MAN1C1: variants seen among roughly 807,000 people sequenced by gnomAD.
The protein encoded by MAN1C1 is mannosyl-oligosaccharide 1,2-alpha-mannosidase IC.
In MAN1C1, 49 loss-of-function variants were observed where a neutral mutation model predicts 71.5. That is an observed-to-expected ratio of 0.69 (90% CI 0.54 to 0.87). The LOEUF (loss-of-function observed/expected upper bound fraction) is 0.87, where lower values mean the gene tolerates loss of function less well. Ranked by LOEUF, MAN1C1 falls within the 40% of genes least tolerant of loss-of-function variation. The pLI, the probability that MAN1C1 is intolerant of heterozygous loss-of-function variation, is 0.00. For missense variants in MAN1C1, 743 were observed against 835.0 expected (o/e 0.89, Z 1.36); for synonymous variants, 352 against 343.7 (o/e 1.02, Z -0.27).
Position 25,779,813 on chromosome 1 carries a change from C to T in MAN1C1, c.1478-1127C>T, listed in dbSNP as rs148336289. Among the ~76,000 whole-genome samples, 1 of 152,310 alleles carries T rather than the reference C, an allele frequency of 6.6e-6. No individual in the cohort carries two copies. Among genetic ancestry groups the T allele is most frequent in the East Asian group, 1.9e-4 (1 of 5,174 alleles). On this transcript the variant is annotated intron_variant, in intron 9 of 11. Coordinates refer to ENST00000374332, the MANE Select transcript of MAN1C1 (RefSeq NM_020379.4). The surrounding 1 kb of genome is among the most constrained non-coding windows in gnomAD (Gnocchi z 4.6). ...ATGGAAGAGCAGGAAGTCCTGCAAA[C>T]CTCTAACCCCTGCCTCTAAAGTAAA...
At chr1:25,647,558 CTG>C (rs3835657) in intron 1 of MAN1C1, among the ~76,000 whole-genome samples, 13,301 of 152,118 alleles carry the variant, frequency 0.087, 1,276 homozygotes, top group East Asian at 0.22. Flanking sequence ...GCCAAGGCAA[CTG>C]TGATTGATTC....
At chr1:25,701,298 G>A (rs1431077961) in intron 2 of MAN1C1, among the ~76,000 whole-genome samples, 2 of 152,220 alleles carry the variant, frequency 1.3e-5, no homozygotes, top group Non-Finnish European at 2.9e-5. Flanking sequence ...TAAACCCACT[G>A]AGAACTCGAG....
intron 1 of MAN1C1, among the ~76,000 whole-genome samples, chr1:25,664,154 T>C (rs2045888544): frequency 6.6e-6 from 1 of 152,122 alleles, no homozygotes; most frequent in African/African-American, 2.4e-5. Flanking sequence ...CCACACGCTC[T>C]GTGGTCGCCT....
chr1:25,641,322 T>G (rs1260324132), intron 1 of MAN1C1, among the ~76,000 whole-genome samples: 1 of 152,172 alleles, frequency 6.6e-6, no homozygotes, highest in Non-Finnish European at 1.5e-5. Context: ...CAACCCCAGG[T>G]CCCACCAGTT....
At chr1:25,629,089 C>T (rs1016658033) in intron 1 of MAN1C1, among the ~76,000 whole-genome samples, 4 of 152,110 alleles carry the variant, frequency 2.6e-5, no homozygotes, top group Admixed American at 2.6e-4. Flanking sequence ...GTAATGGCTT[C>T]TTTTTCTTTG....
rs995090669 is a variant in MAN1C1 at position 25,758,226 on chromosome 1, GCAA to G, written c.930-364_930-362del. Among the ~76,000 whole-genome samples, 20 of 152,220 alleles carry G rather than the reference GCAA, an allele frequency of 1.3e-4. 1 individual carries two copies. Among genetic ancestry groups the G allele is most frequent in the Non-Finnish European group, 4.4e-5 (3 of 68,032 alleles). ...ATCCGGTGCCTTCAGCCAGAGGACA[GCAA>G]CCGGGTGTTCTGTGGGGTCTTTGTG... On this transcript the variant is annotated intron_variant, in intron 5 of 11. Coordinates refer to ENST00000374332, the MANE Select transcript of MAN1C1 (RefSeq NM_020379.4).
chr1:25,690,051 C>T (rs539371631), intron 2 of MAN1C1, among the ~76,000 whole-genome samples: 3 of 152,316 alleles, frequency 2.0e-5, no homozygotes, highest in South Asian at 2.1e-4. Context: ...CCCTCCCAGT[C>T]GCCCACTTGC....
At chr1:25,624,690 A>G (rs1247612973) in intron 1 of MAN1C1, among the ~76,000 whole-genome samples, 1 of 152,150 alleles carries the variant, frequency 6.6e-6, no homozygotes, top group African/African-American at 2.4e-5. Flanking sequence ...CTTCTGGGCA[A>G]ACAATTGTCA....
intron 6 of MAN1C1, chr1:25,761,620 CTTTTTTTTTTTT>C (rs71014385): frequency 4.2e-5 from 4 of 95,814 alleles, no homozygotes; most frequent in Non-Finnish European, 7.5e-5. Flanking sequence ...ACCTCTACTT[CTTTTTTTTTTTT>C]TTTTTTTTTG....
intron 2 of MAN1C1, among the ~76,000 whole-genome samples, chr1:25,717,919 C>A (rs188932686): frequency 1.4e-4 from 21 of 152,252 alleles, no homozygotes; most frequent in Middle Eastern, 3.4e-3. Context: ...CATTTCCTCA[C>A]CAACACTTGG....
intron 1 of MAN1C1, chr1:25,659,099 C>T (rs1472619188): frequency 6.6e-6 from 1 of 152,326 alleles, no homozygotes; most frequent in African/African-American, 2.4e-5. Context: ...CTCGGATGTT[C>T]CCTGATCTAA....
At chr1:25,751,650 C>T (rs1182552200) in intron 4 of MAN1C1, among the ~76,000 whole-genome samples, 1 of 152,268 alleles carries the variant, frequency 6.6e-6, no homozygotes, top group Non-Finnish European at 1.5e-5. Flanking sequence ...CCCCGAGCAC[C>T]TCCCTGAGCC....
chr1:25,778,049 C>G lies in MAN1C1; in HGVS notation c.1258-56C>G. The G allele has an allele frequency of 1.5e-6, 2 of 1,330,290 alleles. No individual in the cohort carries two copies. The highest frequency in any genetic ancestry group is 1.0e-6 in the Non-Finnish European group (1 of 970,250). The allele number at this position is 1,330,290 out of a possible 1,614,324, so 82.4% of individuals were successfully genotyped here. The stretch of plus-strand genomic sequence containing the variant: ...TGTTCATTTTCCATCCTTTCCCCCC[C>G]TTCTCTGTGCCCTCCCACGCCCCTT... On this transcript the variant is annotated intron_variant, in intron 8 of 11. Coordinates refer to ENST00000374332, the MANE Select transcript of MAN1C1 (RefSeq NM_020379.4). This position sits in a 1 kb window ranked among gnomAD's most constrained non-coding sequence, Gnocchi z 5.5.
chr1:25,644,518 A>ATATATATATTTT (rs61386117), intron 1 of MAN1C1: 9 of 40,284 alleles, frequency 2.2e-4, no homozygotes, highest in African/African-American at 1.3e-3. Flanking sequence ...ATATATATAT[A>ATATATATATTTT]TTTTTTTTTT....
chr1:25,714,005 GA>G (rs1433227432), intron 2 of MAN1C1, among the ~76,000 whole-genome samples: 8 of 152,122 alleles, frequency 5.3e-5, no homozygotes, highest in Admixed American at 2.0e-4. Flanking sequence ...TTTAAAAGGG[GA>G]AAAAAATGTT....
chr1:25,641,878 A>T (rs188813526), intron 1 of MAN1C1, among the ~76,000 whole-genome samples: 72 of 152,366 alleles, frequency 4.7e-4, no homozygotes, highest in Middle Eastern at 6.8e-3. Context: ...CCATGAATTT[A>T]TTAAAACTTT....
intron 2 of MAN1C1, among the ~76,000 whole-genome samples, chr1:25,701,542 G>C (rs2046443816): frequency 6.6e-6 from 1 of 152,224 alleles, no homozygotes; most frequent in Non-Finnish European, 1.5e-5. Context: ...TGTTTCCTCT[G>C]CCTCAGGGAC....
At chr1:25,721,095 T>C (rs1224648542) in intron 2 of MAN1C1, among the ~76,000 whole-genome samples, 2 of 152,196 alleles carry the variant, frequency 1.3e-5, no homozygotes, top group African/African-American at 4.8e-5. Context: ...GAAATGTGAG[T>C]ACTCCATCTT....
At chr1:25,678,774 A>G (rs1003886494) in intron 1 of MAN1C1, among the ~76,000 whole-genome samples, 3 of 152,236 alleles carry the variant, frequency 2.0e-5, no homozygotes, top group African/African-American at 7.2e-5. Context: ...TGATGTTTAC[A>G]AAGCCTTTGT....
Sources: allele counts gnomAD v4.1 joint callset (sites outside exome capture counted in the v4.1 genomes callset), GRCh38; gene constraint gnomAD v4.1.1; non-coding constraint Gnocchi (gnomAD v3.1); transcripts MANE v1.5; gene names NCBI Gene and HGNC (gene_info 2026-07-23, HGNC 2026-07-21).